SEMA4B: variants seen among roughly 807,000 people sequenced by gnomAD.
The protein encoded by SEMA4B is semaphorin-4B.
Under a neutral mutation model 88.1 loss-of-function variants are expected in SEMA4B, and 55 were observed. That is an observed-to-expected ratio of 0.62 (90% CI 0.50 to 0.78). The LOEUF is 0.78. Among genes scored for constraint, SEMA4B ranks in the 30% least tolerant of loss-of-function variants. The probability of loss-of-function intolerance (pLI) is 0.00; values close to 1 mark genes in which losing one functional copy is unlikely to be tolerated. For synonymous variants in SEMA4B, 525 were observed against 473.6 expected (o/e 1.11, Z -1.41); for missense variants, 1,062 against 1,111.9 (o/e 0.96, Z 0.64).
chr15:90,215,088 G>C (rs1961469997), intron 1 of SEMA4B: 1 of 800,382 alleles, frequency 1.2e-6, no homozygotes, highest in Admixed American at 4.5e-5. Flanking sequence ...GTGCCTGAGG[G>C]TGGTCAGGGT....
chr15:90,229,064 CT>C lies in SEMA4B; in HGVS notation c.*422del. 2.8e-6 allele frequency: 1 copy of C among 357,108 alleles called. No homozygotes were observed. The highest frequency in any genetic ancestry group is 2.1e-5 in the South Asian group (1 of 46,964). 22.1% of individuals were successfully genotyped at this position (357,108 alleles called of 1,614,324 possible). Reference sequence around the variant, plus strand: ...GTTGTCTGAGACAGAGTTGGAAACCCTCACCAACTGGCCTCTTCACCTTCCA... The same window carrying C: ...GTTGTCTGAGACAGAGTTGGAAACCCCACCAACTGGCCTCTTCACCTTCCA... On this transcript the variant is annotated 3_prime_UTR_variant, in exon 14 of 14. Coordinates refer to ENST00000411539, the MANE Select transcript of SEMA4B (RefSeq NM_198925.4).
At chr15:90,221,848 G>A in intron 7 of SEMA4B, 83 bp downstream of exon 7, 1 of 1,352,926 alleles carries the variant, frequency 7.4e-7, no homozygotes, top group South Asian at 1.3e-5. Flanking sequence ...TCCATGCATG[G>A]CCTTTCCCAT....
chr15:90,229,468 A>G lies in SEMA4B; in HGVS notation c.*825A>G, dbSNP rs1323412864. On this transcript the variant is annotated 3_prime_UTR_variant, in exon 14 of 14. Coordinates refer to ENST00000411539, the MANE Select transcript of SEMA4B (RefSeq NM_198925.4). The stretch of plus-strand genomic sequence containing the variant: ...CACCCTCGCTCCATCTTTGAACTCA[A>G]ACACGAGGAACTAACTGCACCCTGG... The G allele has an allele frequency of 2.2e-6, 1 of 448,184 alleles. No individual in the cohort carries two copies. The highest frequency in any genetic ancestry group is 4.5e-6 in the Non-Finnish European group (1 of 222,308). The allele number at this position is 448,184 out of a possible 1,614,324, so 27.8% of individuals were successfully genotyped here.
At chr15:90,185,339 C>T (rs1374181378) in intron 1 of SEMA4B, among the ~76,000 whole-genome samples, 1 of 152,250 alleles carries the variant, frequency 6.6e-6, no homozygotes, top group East Asian at 1.9e-4. Context: ...TCACATCGCG[C>T]CAGTGCACCA....
chr15:90,221,886 A>G (rs1275401488), intron 7 of SEMA4B, 121 bp downstream of exon 7: 2 of 825,722 alleles, frequency 2.4e-6, no homozygotes, highest in African/African-American at 1.8e-5. Context: ...CTTGGCTAAC[A>G]GCTTTTCTCT....
In SEMA4B at chr15:90,191,240, C is replaced by T. The variant is rs998180057; in HGVS notation, c.-122+6159C>T. ...CTGGGTGTCAGGCTCCTCACCACAG[C>T]GGACGCACCTGGGACTTGGGCTGGG... On this transcript the variant is annotated intron_variant, in intron 1 of 14. Coordinates refer to the SEMA4B transcript ENST00000332496. Among the ~76,000 whole-genome samples, 19 of 152,326 alleles carry T rather than the reference C, an allele frequency of 1.2e-4. No homozygotes were observed. In the East Asian group the frequency reaches 1.7e-3, roughly 14 times the overall value.
At chr15:90,223,475 G>T in intron 7 of SEMA4B, 84 bp from the exon 8 acceptor site, 2 of 1,262,576 alleles carry the variant, frequency 1.6e-6, no homozygotes, top group Non-Finnish European at 2.1e-6. Flanking sequence ...GTCTGGGGTG[G>T]GTCCATTGAG....
At chr15:90,193,712 C>T (rs1357846538) in intron 1 of SEMA4B, 3 of 152,096 alleles carry the variant, frequency 2.0e-5, no homozygotes, top group Non-Finnish European at 4.4e-5. Context: ...AGGGACTCAA[C>T]AAATAGTGAT....
intron 3 of SEMA4B, chr15:90,219,420 A>T (rs897925652): frequency 1.1e-5 from 2 of 189,936 alleles, no homozygotes; most frequent in Admixed American, 5.7e-5. Context: ...AGGGCTGAGC[A>T]GTCCTCCTGC....
chr15:90,206,814 A>G (rs1447807188), intron 1 of SEMA4B: 5 of 731,334 alleles, frequency 6.8e-6, no homozygotes, highest in African/African-American at 3.5e-5. Context: ...GTTGATGACA[A>G]AAGAAACTGG....
At chr15:90,185,220 T>A in intron 1 of SEMA4B, 1 of 377,796 alleles carries the variant, frequency 2.6e-6, no homozygotes, top group Non-Finnish European at 3.6e-6. Context: ...AGGCGCCACC[T>A]GCACGCTCTG....
At chr15:90,224,915 C>T in intron 9 of SEMA4B, 53 bp from the exon 10 acceptor site, 1 of 1,507,550 alleles carries the variant, frequency 6.6e-7, no homozygotes, top group Non-Finnish European at 9.2e-7. Context: ...GGCCCGCATC[C>T]TGCCTGCCAC....
At position 90,227,945 on chromosome 15, in the gene SEMA4B, G is replaced by A. The variant is rs1962258082; in HGVS notation, c.1816G>A (p.Val606Met). The A allele has an allele frequency of 6.2e-7, 1 of 1,613,450 alleles. No individual in the cohort carries two copies. Among genetic ancestry groups the A allele is most frequent in the African/African-American group, 1.3e-5 (1 of 74,926 alleles). Residue 606 changes from valine (V) to methionine (M), a missense_variant, in exon 14 of 14, where the codon GTG (valine) becomes ATG (methionine). Val to Met is a conservative substitution (Grantham distance 21). Transcript: ENST00000411539. ...CEQVQFQPNT[V>M]NTLACPLLSN... is the part of the protein sequence containing the mutation. The stretch of plus-strand genomic sequence containing the variant: ...GCAAGTCCAGTTCCAGCCCAACACA[G>A]TGAACACTTTGGCCTGCCCGCTCCT...
chr15:90,196,212 G>C (rs1369355102), intron 1 of SEMA4B, among the ~76,000 whole-genome samples: 2 of 152,060 alleles, frequency 1.3e-5, no homozygotes, highest in African/African-American at 4.8e-5. Context: ...CCAGGCGTGA[G>C]CTGCTGGGCT....
intron 11 of SEMA4B, 65 bp from the exon 12 acceptor site, chr15:90,225,596 G>A: frequency 6.6e-7 from 1 of 1,516,688 alleles, no homozygotes; most frequent in Non-Finnish European, 8.9e-7. Context: ...ATACAAGCCG[G>A]GTGGCCATGG....
intron 1 of SEMA4B, among the ~76,000 whole-genome samples, chr15:90,193,856 T>G (rs1015989760): frequency 1.3e-5 from 2 of 151,898 alleles, no homozygotes; most frequent in Non-Finnish European, 2.9e-5. Flanking sequence ...TTTTTTTTTT[T>G]TGGGTTGGTC....
intron 1 of SEMA4B, among the ~76,000 whole-genome samples, chr15:90,189,575 A>ATGT (rs1419710954): frequency 1.3e-5 from 2 of 152,210 alleles, no homozygotes; most frequent in Non-Finnish European, 2.9e-5. Flanking sequence ...GTCAACTTTG[A>ATGT]TGTAGCTGGA....
chr15:90,206,636 A>G, intron 1 of SEMA4B: 1 of 647,852 alleles, frequency 1.5e-6, no homozygotes, highest in Non-Finnish European at 2.8e-6. Context: ...AGAGCTGTTG[A>G]AGACAGCCCT....
intron 1 of SEMA4B, among the ~76,000 whole-genome samples, chr15:90,195,999 G>A (rs1205115709): frequency 7.0e-6 from 1 of 142,698 alleles, no homozygotes; most frequent in African/African-American, 2.6e-5. Context: ...GGCTCACTGC[G>A]AGCTCTGCCT....
Sources: allele counts gnomAD v4.1 joint callset (sites outside exome capture counted in the v4.1 genomes callset), GRCh38; gene constraint gnomAD v4.1.1; transcripts MANE v1.5; gene names NCBI Gene and HGNC (gene_info 2026-07-23, HGNC 2026-07-21).